EPHA6: variants seen among roughly 807,000 people sequenced by gnomAD.
EPHA6 encodes EPH receptor A6.
In EPHA6, 50 loss-of-function variants were observed where a neutral mutation model predicts 112.0. The ratio of observed to expected loss-of-function variants is 0.45; its 90% CI spans 0.36 to 0.56. The LOEUF is 0.56. Ranked by LOEUF, EPHA6 falls within the 20% of genes least tolerant of loss-of-function variation. The pLI is 0.00. For synonymous variants in EPHA6, 529 were observed against 490.7 expected (o/e 1.08, Z -1.03); for missense variants, 1,280 against 1,417.4 (o/e 0.90, Z 1.56).
intron 14 of EPHA6, among the ~76,000 whole-genome samples, chr3:97,688,122 A>G (rs1232417714): frequency 1.3e-5 from 2 of 152,182 alleles, no homozygotes; most frequent in African/African-American, 2.4e-5. Flanking sequence ...GTATAATACA[A>G]CCTACCATAA....
intron 2 of EPHA6, among the ~76,000 whole-genome samples, chr3:96,894,554 G>A (rs1269445111): frequency 6.6e-6 from 1 of 152,140 alleles, no homozygotes; most frequent in Non-Finnish European, 1.5e-5. Context: ...AAGGATGACT[G>A]CATGAAGAAC....
At chr3:97,554,505 C>T (rs1242710639) in intron 11 of EPHA6, among the ~76,000 whole-genome samples, 1 of 151,992 alleles carries the variant, frequency 6.6e-6, no homozygotes, top group Admixed American at 6.6e-5. Flanking sequence ...AAGAAAGAAA[C>T]TTGTTTCTTG....
At chr3:97,464,276 T>A (rs1386207940) in intron 7 of EPHA6, among the ~76,000 whole-genome samples, 1 of 151,974 alleles carries the variant, frequency 6.6e-6, no homozygotes, top group Non-Finnish European at 1.5e-5. Context: ...GAGAACAGTC[T>A]TCCAAACTCC....
intron 3 of EPHA6, among the ~76,000 whole-genome samples, chr3:97,069,736 A>G (rs1482875283): frequency 2.0e-5 from 3 of 152,162 alleles, no homozygotes; most frequent in African/African-American, 7.2e-5. Context: ...AGTATCAAAA[A>G]TGTTTTTTAA....
chr3:97,124,502 A>G (rs1334573955), intron 3 of EPHA6, among the ~76,000 whole-genome samples: 1 of 129,758 alleles, frequency 7.7e-6, no homozygotes, highest in Non-Finnish European at 1.6e-5. Flanking sequence ...AGAAAGAAAG[A>G]GAAAGAAAGA....
At chr3:96,962,928 C>T (rs1316129531) in intron 2 of EPHA6, among the ~76,000 whole-genome samples, 1 of 151,948 alleles carries the variant, frequency 6.6e-6, no homozygotes, top group African/African-American at 2.4e-5. Flanking sequence ...CTGAGGCTTG[C>T]GGATCGCTTG....
chr3:97,068,688 A>G (rs1336667762), intron 3 of EPHA6, among the ~76,000 whole-genome samples: 1 of 152,002 alleles, frequency 6.6e-6, no homozygotes, highest in Non-Finnish European at 1.5e-5. Context: ...ATATGTTGAA[A>G]CCCTAACCCC....
At chr3:96,987,054 A>G (rs2043048973) in intron 2 of EPHA6, among the ~76,000 whole-genome samples, 1 of 152,182 alleles carries the variant, frequency 6.6e-6, no homozygotes, top group Non-Finnish European at 1.5e-5. Flanking sequence ...AACAGGTACT[A>G]TTATCAGCTC....
chr3:97,324,437 C>CTT (rs770050816), intron 5 of EPHA6, among the ~76,000 whole-genome samples: 1 of 146,284 alleles, frequency 6.8e-6, no homozygotes, highest in African/African-American at 2.6e-5. Flanking sequence ...TTCTTTCTTT[C>CTT]TTTCTTTCTT....
intron 3 of EPHA6, among the ~76,000 whole-genome samples, chr3:97,139,428 A>T (rs1157900841): frequency 6.6e-6 from 1 of 152,172 alleles, no homozygotes; most frequent in Non-Finnish European, 1.5e-5. Context: ...ATTCCTGCTG[A>T]CAGAAGTGCA....
At chr3:96,951,877 A>G (rs1250090223) in intron 2 of EPHA6, among the ~76,000 whole-genome samples, 1 of 152,150 alleles carries the variant, frequency 6.6e-6, no homozygotes, top group Non-Finnish European at 1.5e-5. Context: ...GAAAGAAGCT[A>G]TCTCTGTGGC....
At chr3:97,247,905 T>C (rs2079029574) in intron 5 of EPHA6, among the ~76,000 whole-genome samples, 1 of 151,996 alleles carries the variant, frequency 6.6e-6, no homozygotes, top group South Asian at 2.1e-4. Context: ...TTAATTATTT[T>C]TTCCTACTCT....
At chr3:96,927,545 G>T (rs964169730) in intron 2 of EPHA6, among the ~76,000 whole-genome samples, 1 of 152,084 alleles carries the variant, frequency 6.6e-6, no homozygotes, top group Non-Finnish European at 1.5e-5. Context: ...TTATCTCTAG[G>T]GTGGGGGCAA....
intron 5 of EPHA6, among the ~76,000 whole-genome samples, chr3:97,359,695 T>C (rs2084270068): frequency 6.6e-6 from 1 of 152,132 alleles, no homozygotes; most frequent in South Asian, 2.1e-4. Context: ...TTGAATCTAA[T>C]AGTGAGGTAA....
chr3:97,173,997 C>T (rs193258007), intron 3 of EPHA6, among the ~76,000 whole-genome samples: 1 of 151,192 alleles, frequency 6.6e-6, no homozygotes, highest in Admixed American at 6.6e-5. Context: ...ATTTTTTTTA[C>T]CCATTAACCA....
intron 2 of EPHA6, among the ~76,000 whole-genome samples, chr3:96,882,967 T>C (rs2037413188): frequency 6.6e-6 from 1 of 152,192 alleles, no homozygotes; most frequent in Non-Finnish European, 1.5e-5. Flanking sequence ...CTGGATCAAA[T>C]GATAGTTCTA....
At chr3:97,154,065 T>G (rs1364150044) in intron 3 of EPHA6, among the ~76,000 whole-genome samples, 2 of 149,062 alleles carry the variant, frequency 1.3e-5, no homozygotes. Flanking sequence ...CTCAGGAGGC[T>G]GAGGCAGGAG....
At chr3:97,378,120 C>T (rs1441056786) in intron 5 of EPHA6, among the ~76,000 whole-genome samples, 1 of 152,120 alleles carries the variant, frequency 6.6e-6, no homozygotes, top group African/African-American at 2.4e-5. Context: ...GGGCAGGGCC[C>T]AGGGTCCCCA....
At chr3:97,651,234 A>G (rs1176289971) in intron 14 of EPHA6, among the ~76,000 whole-genome samples, 1 of 152,102 alleles carries the variant, frequency 6.6e-6, no homozygotes, top group Non-Finnish European at 1.5e-5. Flanking sequence ...ACTGTTAATC[A>G]CAACCCACCA....
Sources: allele counts gnomAD v4.1 joint callset (sites outside exome capture counted in the v4.1 genomes callset), GRCh38; gene constraint gnomAD v4.1.1; transcripts MANE v1.5; gene names NCBI Gene and HGNC (gene_info 2026-07-23, HGNC 2026-07-21).